RNGTT: variants seen among roughly 807,000 people sequenced by gnomAD.
The protein encoded by RNGTT is mRNA-capping enzyme.
RNGTT carries 33 observed loss-of-function variants against 79.3 expected under a neutral mutation model. The ratio of observed to expected loss-of-function variants is 0.42; its 90% CI spans 0.32 to 0.56. RNGTT has a LOEUF of 0.56. Ranked by LOEUF, RNGTT falls within the 20% of genes least tolerant of loss-of-function variation. The probability of loss-of-function intolerance (pLI) is 0.17; values close to 1 mark genes in which losing one functional copy is unlikely to be tolerated. For missense variants in RNGTT, 497 were observed against 739.1 expected, an observed-to-expected ratio of 0.67 and a Z score of 3.80; for synonymous variants, 222 against 235.9, an observed-to-expected ratio of 0.94 and a Z score of 0.54.
chr6:88,877,620 C>T (rs1003604815), intron 8 of RNGTT, among the ~76,000 whole-genome samples: 1 of 152,160 alleles, frequency 6.6e-6, no homozygotes, highest in African/African-American at 2.4e-5. Flanking sequence ...CAATTTGCAG[C>T]AACCAAAGCA....
At chr6:88,839,389 A>T (rs941395680) in intron 11 of RNGTT, among the ~76,000 whole-genome samples, 6 of 152,122 alleles carry the variant, frequency 3.9e-5, no homozygotes, top group African/African-American at 1.4e-4. Context: ...TGGTCAATAC[A>T]GCAAAATCCC....
chr6:88,734,630 C>T (rs564540447), intron 13 of RNGTT, among the ~76,000 whole-genome samples: 4 of 152,120 alleles, frequency 2.6e-5, no homozygotes, highest in Middle Eastern at 6.8e-3. Flanking sequence ...TGGAGAAATA[C>T]GTACCAAGTT....
chr6:88,681,386 A>C (rs1775087699), intron 13 of RNGTT, among the ~76,000 whole-genome samples: 1 of 152,130 alleles, frequency 6.6e-6, no homozygotes, highest in Non-Finnish European at 1.5e-5. Context: ...ACTTTTAAAA[A>C]ACACTGTTCT....
At chr6:88,826,921 C>T (rs1331256424) in intron 11 of RNGTT, among the ~76,000 whole-genome samples, 1 of 148,538 alleles carries the variant, frequency 6.7e-6, no homozygotes, top group Non-Finnish European at 1.5e-5. Flanking sequence ...TAAATACCTC[C>T]ATCATTTCAA....
At chr6:88,950,122 G>A (rs1480951453) in intron 1 of RNGTT, among the ~76,000 whole-genome samples, 3 of 152,150 alleles carry the variant, frequency 2.0e-5, no homozygotes, top group African/African-American at 7.2e-5. Context: ...CAAAAGCCTG[G>A]ATGACATCCC....
At chr6:88,925,015 C>A (rs766027815) in intron 4 of RNGTT, among the ~76,000 whole-genome samples, 1 of 151,978 alleles carries the variant, frequency 6.6e-6, no homozygotes, top group Admixed American at 6.6e-5. Flanking sequence ...GCCACTATAC[C>A]CACCTGTTGT....
At chr6:88,854,557 T>C (rs1246637271) in intron 8 of RNGTT, among the ~76,000 whole-genome samples, 1 of 152,222 alleles carries the variant, frequency 6.6e-6, no homozygotes, top group Non-Finnish European at 1.5e-5. Flanking sequence ...CAGTGCTCTT[T>C]CTACCATACC....
At chr6:88,666,473 A>G (rs1319319760) in intron 14 of RNGTT, among the ~76,000 whole-genome samples, 1 of 152,216 alleles carries the variant, frequency 6.6e-6, no homozygotes, top group East Asian at 1.9e-4. Context: ...GGTGACTTTA[A>G]TGAATACCAA....
intron 2 of RNGTT, among the ~76,000 whole-genome samples, chr6:88,937,200 GC>G (rs1784692839): frequency 6.6e-6 from 1 of 152,040 alleles, no homozygotes; most frequent in South Asian, 2.1e-4. Flanking sequence ...CAAAAAATTA[GC>G]CAGGCGCAGT....
intron 8 of RNGTT, among the ~76,000 whole-genome samples, chr6:88,881,199 T>C (rs976826874): frequency 4.6e-5 from 7 of 152,126 alleles, no homozygotes; most frequent in South Asian, 2.1e-4. Context: ...TTCAACAAAA[T>C]TGAAGGACAA....
chr6:88,618,085 A>G (rs1259190713), intron 14 of RNGTT, among the ~76,000 whole-genome samples: 2 of 152,212 alleles, frequency 1.3e-5, no homozygotes, highest in Non-Finnish European at 2.9e-5. Context: ...ATTGCTATAA[A>G]TTATGTTACT....
At chr6:88,705,951 T>C (rs1202930012) in intron 13 of RNGTT, among the ~76,000 whole-genome samples, 2 of 131,896 alleles carry the variant, frequency 1.5e-5, no homozygotes. Context: ...TGTGATTATA[T>C]GTGAATTATT....
At chr6:88,668,942 G>C (rs370014741) in intron 14 of RNGTT, among the ~76,000 whole-genome samples, 5 of 152,276 alleles carry the variant, frequency 3.3e-5, no homozygotes, top group African/African-American at 1.2e-4. Context: ...ATTGAATGTA[G>C]TTATTGGTCC....
intron 12 of RNGTT, among the ~76,000 whole-genome samples, chr6:88,791,454 T>A (rs977841860): frequency 6.6e-5 from 10 of 152,138 alleles, no homozygotes; most frequent in Non-Finnish European, 1.3e-4. Flanking sequence ...TTTTAAGCCA[T>A]CAAGTGTGTG....
At chr6:88,931,865 T>G (rs1467570412) in intron 2 of RNGTT, among the ~76,000 whole-genome samples, 2 of 152,286 alleles carry the variant, frequency 1.3e-5, no homozygotes, top group Non-Finnish European at 2.9e-5. Flanking sequence ...AGGATGTATG[T>G]GGCCTCAGGA....
At chr6:88,785,567 A>C (rs1437707670) in intron 12 of RNGTT, among the ~76,000 whole-genome samples, 2 of 152,174 alleles carry the variant, frequency 1.3e-5, no homozygotes, top group Admixed American at 6.5e-5. Context: ...TATATTTTTC[A>C]ATAAAAGTAA....
chr6:88,689,736 G>C (rs529317753), intron 13 of RNGTT, among the ~76,000 whole-genome samples: 1 of 151,646 alleles, frequency 6.6e-6, no homozygotes, highest in African/African-American at 2.4e-5. Context: ...TTACCAAACT[G>C]AAATTTAAAA....
chr6:88,818,865 G>A (rs1026294544), intron 11 of RNGTT, among the ~76,000 whole-genome samples: 18 of 152,100 alleles, frequency 1.2e-4, no homozygotes, highest in African/African-American at 4.3e-4. Flanking sequence ...TCTATACAGA[G>A]CTATATTTAG....
chr6:88,820,019 T>C (rs1255565000), intron 11 of RNGTT, among the ~76,000 whole-genome samples: 10 of 152,032 alleles, frequency 6.6e-5, no homozygotes, highest in Admixed American at 6.6e-4. Flanking sequence ...AGATATGAGA[T>C]TGTACAGAAT....
Sources: gnomAD v4.1 joint callset for allele counts (sites outside exome capture counted in the v4.1 genomes callset) on GRCh38, gnomAD v4.1.1 for gene constraint, MANE v1.5 for transcripts, NCBI Gene and HGNC (gene_info 2026-07-23, HGNC 2026-07-21) for gene names.